The following PXK variants were observed in gnomAD, a reference collection of about 807,000 sequenced individuals.
The protein encoded by PXK is PX domain containing serine/threonine kinase like, also known as PX domain-containing protein kinase-like protein.
PXK carries 35 observed loss-of-function variants against 84.7 expected under a neutral mutation model. The observed-to-expected ratio is 0.41, with a 90% CI of 0.32 to 0.55. The LOEUF (loss-of-function observed/expected upper bound fraction) is 0.55, where lower values mean the gene tolerates loss of function less well. Ranked by LOEUF, PXK falls within the 20% of genes least tolerant of loss-of-function variation. PXK has a pLI of 0.21. For missense variants in PXK, 634 were observed against 699.7 expected (o/e 0.91, Z 1.06); for synonymous variants, 253 against 260.8 (o/e 0.97, Z 0.29).
rs1232796575 is a variant in PXK, at chr3:58,412,177, A to C, written c.1466-724A>C. ...GGTTTCTGTGTCCACAGAAAGGCTT[A>C]CGTAGGAACCTCTGCTCATTGGGCT... On this transcript the variant is annotated intron_variant, in intron 16 of 17. Coordinates refer to ENST00000356151, the MANE Select transcript of PXK (RefSeq NM_017771.5). The surrounding 1 kb of genome is among the most constrained non-coding windows in gnomAD (Gnocchi z 6.2). Among the ~76,000 whole-genome samples the C allele has an allele frequency of 6.6e-6, 1 of 152,166 alleles. No individual in the cohort carries two copies. The highest frequency in any genetic ancestry group is 1.5e-5 in the Non-Finnish European group (1 of 68,028).
At chr3:58,388,333 A>G (rs1454103554) in intron 4 of PXK, among the ~76,000 whole-genome samples, 2 of 152,202 alleles carry the variant, frequency 1.3e-5, no homozygotes, top group African/African-American at 4.8e-5. Context: ...CATACAGTAG[A>G]TATTGCTGAA....
Position 58,384,439 on chromosome 3 carries a change from C to G in PXK, c.388+1739C>G, listed in dbSNP as rs2098533807. ...CAAACTCACACTTACTGTAAGTTAC[C>G]AAATGGAGCAGTGAGTTGTTACAAG... On this transcript the variant is annotated intron_variant, in intron 4 of 17. Transcript: ENST00000356151. Among the ~76,000 whole-genome samples the G allele has an allele frequency of 1.3e-5, 2 of 151,954 alleles. 1 individual carries two copies. The highest frequency in any genetic ancestry group is 4.2e-4 in the South Asian group (2 of 4,812).
chr3:58,376,481 G>A lies in PXK; in HGVS notation c.202-6033G>A, dbSNP rs192182716. On this transcript the variant is annotated intron_variant, in intron 3 of 17. Transcript: ENST00000356151. ...TAAAATTAGTCTTGTTATTCATTTT[G>A]CTTAAAGTCCCAGTTTGTAAGAACC... Among the ~76,000 whole-genome samples the A allele has an allele frequency of 4.8e-3, 730 of 152,124 alleles. 5 individuals carry two copies. Among genetic ancestry groups the A allele is most frequent in the Non-Finnish European group, 6.4e-3 (437 of 67,974 alleles).
chr3:58,355,144 A>G (rs1340759630), intron 1 of PXK, among the ~76,000 whole-genome samples: 1 of 78,248 alleles, frequency 1.3e-5, no homozygotes, highest in Non-Finnish European at 2.1e-5. Flanking sequence ...AAAAAAAAAA[A>G]AAGAAAAAAC....
chr3:58,336,071 A>ATATATATATAT (rs1284780630), intron 1 of PXK, among the ~76,000 whole-genome samples: 22 of 51,572 alleles, frequency 4.3e-4, no homozygotes, highest in African/African-American at 1.9e-3. Flanking sequence ...ATATATATAT[A>ATATATATATAT]TTTTTTTTTT....
chr3:58,343,579 G>A (rs1024481232), intron 1 of PXK, among the ~76,000 whole-genome samples: 22 of 152,222 alleles, frequency 1.4e-4, no homozygotes, highest in Non-Finnish European at 2.5e-4. Flanking sequence ...AGGAGGGTCT[G>A]TGCATAGAAG....
intron 1 of PXK, among the ~76,000 whole-genome samples, chr3:58,350,954 G>A (rs1270165338): frequency 6.6e-6 from 1 of 152,110 alleles, no homozygotes; most frequent in African/African-American, 2.4e-5. Flanking sequence ...CTTCTAGCTT[G>A]ACTTCAGCCT....
chr3:58,358,830 T>G (rs1256256921), intron 1 of PXK, among the ~76,000 whole-genome samples: 2 of 152,328 alleles, frequency 1.3e-5, no homozygotes, highest in East Asian at 3.9e-4. Flanking sequence ...GATATCATTT[T>G]GGGATGTCAC....
chr3:58,425,015 A>AC lies in PXK; in HGVS notation c.*61dup. 2 of 1,582,844 alleles carry AC rather than the reference A, an allele frequency of 1.3e-6. No homozygotes were observed. ...TTCTTTTTTATTCCTACTCACCCCT[A>AC]CCCCCCAAACTACCCTCTTCCTGGG... On this transcript the variant is annotated 3_prime_UTR_variant, in exon 18 of 18. Transcript: ENST00000356151.
At chr3:58,396,576 T>C (rs1486766928) in intron 9 of PXK, among the ~76,000 whole-genome samples, 1 of 152,198 alleles carries the variant, frequency 6.6e-6, no homozygotes, top group Non-Finnish European at 1.5e-5. Context: ...TTCCTATTAA[T>C]AAACAGCTAA....
At position 58,407,353 on chromosome 3, in the gene PXK, C is replaced by T. The variant is rs1019566739; in HGVS notation, c.1231-1571C>T. Among the ~76,000 whole-genome samples, 4 of 151,946 alleles carry T rather than the reference C, an allele frequency of 2.6e-5. No individual in the cohort carries two copies. The highest frequency in any genetic ancestry group is 5.9e-5 in the Non-Finnish European group (4 of 67,972). On this transcript the variant is annotated intron_variant, in intron 13 of 17. Coordinates refer to ENST00000356151, the MANE Select transcript of PXK (RefSeq NM_017771.5). The surrounding 1 kb of genome is among the most constrained non-coding windows in gnomAD (Gnocchi z 4.3). ...TGTTTTTTGGCCATTTGTATATTTT[C>T]TTTAGAGAAATGTCTATGTCTTTTG...
In PXK at chr3:58,342,480, C is replaced by T. The variant is rs144262418; in HGVS notation, c.102+9390C>T. ...TGAAACCCTGTCTCTACTAAAAATA[C>T]AAAGATTAGCCAGGTAAGGTAGTGC... is the stretch of plus-strand genomic sequence containing the variant. On this transcript the variant is annotated intron_variant, in intron 1 of 17. Transcript: ENST00000356151. Among the ~76,000 whole-genome samples the T allele has an allele frequency of 8.7e-4, 132 of 151,844 alleles. 2 individuals carry two copies. Among genetic ancestry groups the T allele is most frequent in the Middle Eastern group, 3.4e-3 (1 of 294 alleles).
Position 58,425,771 on chromosome 3 carries a change from T to C in PXK, c.*811T>C, listed in dbSNP as rs2062731524. The stretch of plus-strand genomic sequence containing the variant: ...AAATTTGGCATCTATAGAAATCAAT[T>C]ATGATTTTTGAAAGATTTATCTAAA... On this transcript the variant is annotated 3_prime_UTR_variant, in exon 18 of 18. Coordinates refer to ENST00000356151, the MANE Select transcript of PXK (RefSeq NM_017771.5). 1 of 152,210 alleles carries C rather than the reference T, an allele frequency of 6.6e-6. No homozygotes were observed. The highest frequency in any genetic ancestry group is 2.4e-5 in the African/African-American group (1 of 41,468). 9.4% of individuals were successfully genotyped at this position (152,210 alleles called of 1,614,324 possible).
Position 58,390,535 on chromosome 3 carries a change from C to A in PXK, c.389-47C>A. 1 of 1,445,356 alleles carries A rather than the reference C, an allele frequency of 6.9e-7. No individual in the cohort carries two copies. Among genetic ancestry groups the A allele is most frequent in the Non-Finnish European group, 9.7e-7 (1 of 1,032,980 alleles). The allele number at this position is 1,445,356 out of a possible 1,614,324, so 89.5% of individuals were successfully genotyped here. On this transcript the variant is annotated intron_variant, in intron 4 of 17. Transcript: ENST00000356151. This position sits in a 1 kb window ranked among gnomAD's most constrained non-coding sequence, Gnocchi z 4.2. ...AAGAATAATATCTTCAGCATATGGC[C>A]CTTTCCTGATATGTCTGACTAATGG...
At chr3:58,335,790 GT>G (rs1358092477) in intron 1 of PXK, among the ~76,000 whole-genome samples, 2 of 151,906 alleles carry the variant, frequency 1.3e-5, no homozygotes, top group Non-Finnish European at 2.9e-5. Flanking sequence ...CCTTTTTGAA[GT>G]TTAGTTTTGT....
Position 58,336,771 on chromosome 3 carries a change from G to A in PXK, c.102+3681G>A, listed in dbSNP as rs1370664121. On this transcript the variant is annotated intron_variant, in intron 1 of 17. Transcript: ENST00000356151. Reference sequence around the variant, plus strand: ...AAATGTGCACATCCAATTTTTGCTGGTGGGTAGGCTGTGTGTGATAGCTTT... The same window carrying A: ...AAATGTGCACATCCAATTTTTGCTGATGGGTAGGCTGTGTGTGATAGCTTT... Among the ~76,000 whole-genome samples the A allele has an allele frequency of 1.3e-5, 2 of 152,176 alleles. 1 individual carries two copies.
rs1020460316 is a variant in PXK at position 58,369,560 on chromosome 3, C to T, written c.201+82C>T. 6.2e-4 allele frequency: 681 copies of T among 1,102,182 alleles called. 4 individuals are homozygous for T. Among genetic ancestry groups the T allele is most frequent in the Non-Finnish European group, 1.1e-4 (78 of 731,666 alleles). The allele number at this position is 1,102,182 out of a possible 1,614,324, so 68.3% of individuals were successfully genotyped here. On this transcript the variant is annotated intron_variant, in intron 3 of 17. Transcript: ENST00000356151. ...TGGCTGGAGTCGGGGCACGGTGGCT[C>T]AACGCCTGTAATCCCAGCACTTGGG...
rs2060735495 is a variant in PXK, at chr3:58,414,884, C to T, written c.1528+1921C>T. Among the ~76,000 whole-genome samples, 1 of 152,150 alleles carries T rather than the reference C, an allele frequency of 6.6e-6. No individual in the cohort carries two copies. Among genetic ancestry groups the T allele is most frequent in the South Asian group, 2.1e-4 (1 of 4,832 alleles). On this transcript the variant is annotated intron_variant, in intron 17 of 17. Coordinates refer to ENST00000356151, the MANE Select transcript of PXK (RefSeq NM_017771.5). This position sits in a 1 kb window ranked among gnomAD's most constrained non-coding sequence, Gnocchi z 4.5. ...GCATTTCAGGCCCTAAGCATTTCAACCCAAGGGAGTTTATTCATTTAAGAA... is the reference window on the plus strand; with the variant it reads ...GCATTTCAGGCCCTAAGCATTTCAATCCAAGGGAGTTTATTCATTTAAGAA...
intron 7 of PXK, among the ~76,000 whole-genome samples, chr3:58,392,664 CTTTT>C (rs35624263): frequency 6.9e-6 from 1 of 144,022 alleles, no homozygotes; most frequent in African/African-American, 2.6e-5. Context: ...TTCTAAATTT[CTTTT>C]TTTTTTTTTT....
Sources: gnomAD v4.1 joint callset for allele counts (sites outside exome capture counted in the v4.1 genomes callset) on GRCh38, gnomAD v4.1.1 for gene constraint, Gnocchi (gnomAD v3.1) non-coding constraint, MANE v1.5 for transcripts, NCBI Gene and HGNC (gene_info 2026-07-23, HGNC 2026-07-21) for gene names.